UACA: variants seen among roughly 807,000 people sequenced by gnomAD.
UACA encodes nuclear membrane binding protein.
A neutral mutation model predicts 160.5 loss-of-function variants in UACA; 112 were observed. The observed-to-expected ratio is 0.70, with a 90% CI of 0.60 to 0.82. UACA has a LOEUF of 0.82. Among genes scored for constraint, UACA ranks in the 40% least tolerant of loss-of-function variants. UACA has a pLI of 0.00. For synonymous variants in UACA, 557 were observed against 568.4 expected, an observed-to-expected ratio of 0.98 and a Z score of 0.29; for missense variants, 1,574 against 1,614.6, an observed-to-expected ratio of 0.97 and a Z score of 0.43.
intron 12 of UACA, 21 bp from the exon 13 acceptor site, chr15:70,676,612 T>C (rs201196148): frequency 1.3e-6 from 2 of 1,581,982 alleles, no homozygotes; most frequent in South Asian, 1.1e-5. Context: ...ACAGAATAAA[T>C]ACAGTAAAAT....
At chr15:70,754,179 C>CCTA (rs1424123311) in intron 1 of UACA, 1 of 455,896 alleles carries the variant, frequency 2.2e-6, no homozygotes, top group Non-Finnish European at 4.4e-6. Context: ...TTGAGACATT[C>CCTA]ACCTGCGCTC....
chr15:70,763,613 G>A, upstream of UACA: 1 of 1,099,012 alleles, frequency 9.1e-7, no homozygotes, highest in Non-Finnish European at 1.2e-6. Flanking sequence ...CCCTGGCGGG[G>A]GCGTGGCAAA....
intron 1 of UACA, among the ~76,000 whole-genome samples, chr15:70,736,867 A>G (rs1054438751): frequency 1.3e-5 from 2 of 152,214 alleles, no homozygotes; most frequent in African/African-American, 2.4e-5. Context: ...GTAGTAAATA[A>G]ATGCTTATAC....
At chr15:70,695,243 T>C in intron 2 of UACA, 138 bp from the exon 3 acceptor site, 2 of 511,304 alleles carry the variant, frequency 3.9e-6, no homozygotes, top group Non-Finnish European at 6.7e-6. Flanking sequence ...TTAGAACACC[T>C]ACATATTTAA....
At chr15:70,698,024 C>A in intron 2 of UACA, among the ~76,000 whole-genome samples, 1 of 152,058 alleles carries the variant, frequency 6.6e-6, no homozygotes, top group East Asian at 1.9e-4. Context: ...CACAACCAGC[C>A]TGGGCAACAA....
chr15:70,662,841 C>A (rs1030502402), intron 17 of UACA, among the ~76,000 whole-genome samples: 3 of 152,120 alleles, frequency 2.0e-5, no homozygotes, highest in African/African-American at 4.8e-5. Flanking sequence ...CCCTTCCTTA[C>A]ACCTTATACA....
rs950867221 is a variant in UACA, at chr15:70,736,842, G to A, written c.78+26488C>T. Among the ~76,000 whole-genome samples, 16 of 152,146 alleles carry A rather than the reference G, an allele frequency of 1.1e-4. No homozygotes were observed. In the East Asian group the frequency reaches 2.1e-3, roughly 20 times the overall value. On this transcript the variant is annotated intron_variant, in intron 1 of 18. Transcript: ENST00000322954. Reference sequence around the variant, plus strand: ...TAAGACTGCAGTCATCTATATTGACGTGTTTATTCTAATTGTAGTAAATAA... The same window carrying A: ...TAAGACTGCAGTCATCTATATTGACATGTTTATTCTAATTGTAGTAAATAA...
intron 1 of UACA, among the ~76,000 whole-genome samples, chr15:70,705,522 G>A (rs924064584): frequency 1.3e-5 from 2 of 151,956 alleles, no homozygotes; most frequent in East Asian, 1.9e-4. Context: ...GGCAACAAGA[G>A]CGAAACTCCA....
chr15:70,758,376 C>T (rs1314728574), intron 1 of UACA: 1 of 152,182 alleles, frequency 6.6e-6, no homozygotes, highest in Non-Finnish European at 1.5e-5. Context: ...TTAAGGTAAG[C>T]ATTTTTAATT....
intron 1 of UACA, among the ~76,000 whole-genome samples, chr15:70,723,856 T>C (rs1026254002): frequency 6.6e-6 from 1 of 151,936 alleles, no homozygotes; most frequent in Admixed American, 6.6e-5. Context: ...ATGGTCTCGA[T>C]CTCCTGACCT....
chr15:70,719,416 G>A (rs1399925408), intron 1 of UACA, among the ~76,000 whole-genome samples: 3 of 152,150 alleles, frequency 2.0e-5, no homozygotes, highest in Admixed American at 6.5e-5. Flanking sequence ...GGATTCCCCC[G>A]ACAGGCAGAC....
intron 1 of UACA, among the ~76,000 whole-genome samples, chr15:70,704,583 A>G (rs1007620089): frequency 6.6e-6 from 1 of 152,192 alleles, no homozygotes; most frequent in Non-Finnish European, 1.5e-5. Flanking sequence ...AGGATAATTT[A>G]TTTATACTTT....
At chr15:70,775,126 G>A in the UACA span, among the ~76,000 whole-genome samples, 1 of 152,122 alleles carries the variant, frequency 6.6e-6, no homozygotes, top group Non-Finnish European at 1.5e-5. Context: ...GGAAATTTGG[G>A]AAACCCTGTT....
chr15:70,680,724 A>G (rs1897469528), intron 9 of UACA, among the ~76,000 whole-genome samples: 1 of 152,058 alleles, frequency 6.6e-6, no homozygotes, highest in Non-Finnish European at 1.5e-5. Context: ...TACTAAATCA[A>G]CCGCATCCTT....
At chr15:70,661,039 G>A (rs1896689150) in intron 17 of UACA, 1 of 152,164 alleles carries the variant, frequency 6.6e-6, no homozygotes, top group Non-Finnish European at 1.5e-5. Flanking sequence ...GTGGATAAGA[G>A]AGGGACTACT....
chr15:70,720,130 T>C (rs1898946360), intron 1 of UACA, among the ~76,000 whole-genome samples: 1 of 152,112 alleles, frequency 6.6e-6, no homozygotes, highest in Non-Finnish European at 1.5e-5. Flanking sequence ...TTTCTCTTCC[T>C]CCTGCTCCAG....
chr15:70,666,833 T>C lies in UACA; in HGVS notation c.3851A>G (p.Gln1284Arg). ...EKELLHFSIEQEIKDQKERCD... is the reference protein window; with the variant it reads ...EKELLHFSIEREIKDQKERCD... ...TCGTTCCTTCTGATCCTTAATTTCT[T>C]GCTCAATGCTGAAATGCAGTAATTC... The change falls in exon 16 of 19, where the codon CAA (glutamine) becomes CGA (arginine). Residue 1284 changes from glutamine to arginine, a missense_variant. By Grantham distance (43) the Gln-to-Arg change is conservative. Transcript: ENST00000322954. The C allele has an allele frequency of 6.2e-7, 1 of 1,613,956 alleles. No individual in the cohort carries two copies.
intron 1 of UACA, chr15:70,701,995 C>G (rs1234555285): frequency 6.3e-7 from 1 of 1,587,580 alleles, no homozygotes; most frequent in Non-Finnish European, 8.6e-7. Flanking sequence ...ACAAAGCAAA[C>G]TCTCAGACAA....
At chr15:70,680,986 C>G (rs1480466091) in intron 9 of UACA, among the ~76,000 whole-genome samples, 1 of 152,164 alleles carries the variant, frequency 6.6e-6, no homozygotes, top group Non-Finnish European at 1.5e-5. Flanking sequence ...GCACATCGCT[C>G]CTGTCACACT....
Sources: gnomAD v4.1 joint callset for allele counts (sites outside exome capture counted in the v4.1 genomes callset) on GRCh38, gnomAD v4.1.1 for gene constraint, MANE v1.5 for transcripts, NCBI Gene and HGNC (gene_info 2026-07-23, HGNC 2026-07-21) for gene names.